The following RUNX1 variants were observed in gnomAD, a reference collection of about 807,000 sequenced individuals.
The protein encoded by RUNX1 is runt-related transcription factor 1.
In RUNX1, 19 loss-of-function variants were observed where a neutral mutation model predicts 42.8. The observed-to-expected ratio is 0.44, with a 90% CI of 0.31 to 0.65. The LOEUF (loss-of-function observed/expected upper bound fraction) is 0.65, where lower values mean the gene tolerates loss of function less well. Ranked by LOEUF, RUNX1 falls within the 30% of genes least tolerant of loss-of-function variation. RUNX1 has a pLI of 0.07. For missense variants in RUNX1, 528 were observed against 672.0 expected, an observed-to-expected ratio of 0.79 and a Z score of 2.37; for synonymous variants, 271 against 289.4, an observed-to-expected ratio of 0.94 and a Z score of 0.64.
intron 2 of RUNX1, chr21:35,038,427 G>T (rs1012491249): frequency 3.7e-5 from 16 of 427,408 alleles, no homozygotes; most frequent in African/African-American, 2.8e-4. Context: ...AAGAAATAAA[G>T]GTCTGTAGAG....
intron 2 of RUNX1, among the ~76,000 whole-genome samples, chr21:34,985,867 CTTTTTT>C (rs33913281): frequency 2.6e-5 from 2 of 75,478 alleles, no homozygotes; most frequent in African/African-American, 5.0e-5. Context: ...TCTGACCAGA[CTTTTTT>C]TTTTTTTTTT....
intron 7 of RUNX1, among the ~76,000 whole-genome samples, chr21:34,807,474 C>T (rs1028255098): frequency 3.9e-5 from 6 of 152,274 alleles, no homozygotes; most frequent in African/African-American, 1.4e-4. Flanking sequence ...TCACATAGAC[C>T]ACAGGGTTCT....
chr21:34,986,408 A>G (rs1469595897), intron 2 of RUNX1, among the ~76,000 whole-genome samples: 1 of 151,854 alleles, frequency 6.6e-6, no homozygotes. Context: ...TAACTCCACA[A>G]GATGGGGGCA....
intron 7 of RUNX1, among the ~76,000 whole-genome samples, chr21:34,825,495 C>T (rs1273142088): frequency 1.3e-5 from 2 of 152,190 alleles, no homozygotes; most frequent in Non-Finnish European, 2.9e-5. Context: ...ATGTTGCGTT[C>T]AAACAAATGA....
chr21:34,871,490 C>T (rs138331567), intron 5 of RUNX1, among the ~76,000 whole-genome samples: 11 of 152,312 alleles, frequency 7.2e-5, no homozygotes, highest in Admixed American at 1.3e-4. Flanking sequence ...ACAGCCTGAC[C>T]TATTCCAGAA....
intron 7 of RUNX1, among the ~76,000 whole-genome samples, chr21:34,805,234 A>C (rs2056663061): frequency 1.3e-5 from 2 of 152,242 alleles, no homozygotes; most frequent in South Asian, 4.1e-4. Flanking sequence ...ACTGTGAGAA[A>C]GTTTCAAAAG....
At chr21:34,940,975 G>A (rs2058522438) in intron 2 of RUNX1, among the ~76,000 whole-genome samples, 1 of 152,216 alleles carries the variant, frequency 6.6e-6, no homozygotes, top group Non-Finnish European at 1.5e-5. Context: ...AACTAGAAAT[G>A]TCGGATCTTG....
At chr21:34,835,378 G>C (rs1365066345) in intron 6 of RUNX1, among the ~76,000 whole-genome samples, 1 of 152,102 alleles carries the variant, frequency 6.6e-6, no homozygotes, top group Non-Finnish European at 1.5e-5. Flanking sequence ...AGCTTCCCCA[G>C]GGGGCTCAGG....
In RUNX1 at chr21:35,047,555, A is replaced by ACT. The variant is rs2059407503; in HGVS notation, c.58+1286_58+1287insAG. Among the ~76,000 whole-genome samples the ACT allele has an allele frequency of 1.1e-3, 96 of 84,290 alleles. 1 individual carries two copies. The highest frequency in any genetic ancestry group is 5.5e-3 in the African/African-American group (87 of 15,910). The allele number at this position is 84,290 out of a possible 152,430, so 55.3% of individuals were successfully genotyped here. ...CACACACACACACACACACACACAC[A>ACT]CACACACTCTCTCTCTCTCTCTCTC... is the stretch of plus-strand genomic sequence containing the variant. On this transcript the variant is annotated intron_variant, in intron 2 of 8. Coordinates refer to ENST00000675419, the MANE Select transcript of RUNX1 (RefSeq NM_001754.5).
At chr21:35,048,214 A>G (rs1162001415) in intron 2 of RUNX1, among the ~76,000 whole-genome samples, 3 of 152,222 alleles carry the variant, frequency 2.0e-5, no homozygotes, top group African/African-American at 4.8e-5. Context: ...TTGAGGCTAC[A>G]AGGAAAAACA....
At chr21:34,866,579 C>G (rs1399548398) in intron 5 of RUNX1, among the ~76,000 whole-genome samples, 1 of 152,220 alleles carries the variant, frequency 6.6e-6, no homozygotes, top group Non-Finnish European at 1.5e-5. Context: ...AACAACCTAA[C>G]AGCCAAAATT....
rs142090725 is a variant in RUNX1, at chr21:34,973,596, C to A, written c.58+75246G>T. On this transcript the variant is annotated intron_variant, in intron 2 of 8. Transcript: ENST00000675419. ...TCCATTCTTCATGCATTCATCATTACAATCCTCCTATAAATCTGCTTGTAA... is the reference window on the plus strand; with the variant it reads ...TCCATTCTTCATGCATTCATCATTAAAATCCTCCTATAAATCTGCTTGTAA... Among the ~76,000 whole-genome samples the A allele has an allele frequency of 2.0e-5, 3 of 152,338 alleles. No individual in the cohort carries two copies. The South Asian group carries it at 6.2e-4, about 32-fold the overall frequency.
At chr21:34,872,108 TGC>T (rs2057746611) in intron 5 of RUNX1, among the ~76,000 whole-genome samples, 2 of 152,200 alleles carry the variant, frequency 1.3e-5, no homozygotes, top group Non-Finnish European at 2.9e-5. Flanking sequence ...CCTCCTAAAG[TGC>T]TGGGATTACA....
At chr21:34,875,853 C>T (rs1235021767) in intron 5 of RUNX1, among the ~76,000 whole-genome samples, 5 of 152,298 alleles carry the variant, frequency 3.3e-5, no homozygotes, top group Non-Finnish European at 7.3e-5. Context: ...GGCAACCTCC[C>T]ACACTTTAGC....
intron 7 of RUNX1, among the ~76,000 whole-genome samples, chr21:34,804,774 G>A (rs1601358517): frequency 6.9e-6 from 1 of 143,914 alleles, no homozygotes; most frequent in East Asian, 2.0e-4. Flanking sequence ...ACAGTGTCTC[G>A]CTCTGTCGCC....
At chr21:34,803,377 C>A (rs2056634945) in intron 7 of RUNX1, among the ~76,000 whole-genome samples, 1 of 151,928 alleles carries the variant, frequency 6.6e-6, no homozygotes, top group South Asian at 2.1e-4. Context: ...GAAACCCTGT[C>A]TCTACTAAAA....
At chr21:35,016,524 G>A (rs967934808) in intron 2 of RUNX1, among the ~76,000 whole-genome samples, 3 of 152,190 alleles carry the variant, frequency 2.0e-5, no homozygotes, top group Non-Finnish European at 4.4e-5. Flanking sequence ...CATATTGGAG[G>A]AGGAAGAAGC....
intron 5 of RUNX1, among the ~76,000 whole-genome samples, chr21:34,865,020 C>T (rs1435191502): frequency 6.6e-6 from 1 of 152,070 alleles, no homozygotes; most frequent in Non-Finnish European, 1.5e-5. Context: ...AGTTACTTGA[C>T]CTCTCTGGGG....
At chr21:34,831,478 G>T (rs1475008103) in intron 7 of RUNX1, among the ~76,000 whole-genome samples, 1 of 152,168 alleles carries the variant, frequency 6.6e-6, no homozygotes, top group Non-Finnish European at 1.5e-5. Context: ...AGAGTCAGAG[G>T]AGCTGGCATA....
Sources: gnomAD v4.1 joint callset for allele counts (sites outside exome capture counted in the v4.1 genomes callset) on GRCh38, gnomAD v4.1.1 for gene constraint, MANE v1.5 for transcripts, NCBI Gene and HGNC (gene_info 2026-07-23, HGNC 2026-07-21) for gene names.